Variants in DSC3 observed in about 807,000 individuals in gnomAD.
The protein encoded by DSC3 is desmocollin-3.
A neutral mutation model predicts 89.5 loss-of-function variants in DSC3; 97 were observed. That is an observed-to-expected ratio of 1.08 (90% CI 0.92 to 1.28). The LOEUF (loss-of-function observed/expected upper bound fraction) is 1.28. DSC3 is among the 50% of genes most tolerant of loss of function. The pLI, the probability that DSC3 is intolerant of heterozygous loss-of-function variation, is 0.00. For synonymous variants in DSC3, 436 were observed against 384.1 expected (o/e 1.14, Z -1.58); for missense variants, 1,199 against 1,085.3 (o/e 1.10, Z -1.47).
At position 31,019,336 on chromosome 18, in the gene DSC3, G is replaced by A. The variant is rs151282493; in HGVS notation, c.943-536C>T. Among the ~76,000 whole-genome samples, 491 of 152,150 alleles carry A rather than the reference G, an allele frequency of 3.2e-3. 4 individuals carry two copies. The highest frequency in any genetic ancestry group is 0.011 in the African/African-American group (471 of 41,494). ...AAACTCCCGATCTCGTGATTCACCC[G>A]CCTCGGGCTCCCAAAGTGCTAGGAT... On this transcript the variant is annotated intron_variant, in intron 7 of 15. Coordinates refer to ENST00000360428, the MANE Select transcript of DSC3 (RefSeq NM_001941.5).
chr18:31,008,251 T>C lies in DSC3; in HGVS notation c.1520+18A>G, dbSNP rs755491285. The C allele has an allele frequency of 5.6e-6, 9 of 1,613,394 alleles. No individual in the cohort carries two copies. The highest frequency in any genetic ancestry group is 7.6e-6 in the Non-Finnish European group (9 of 1,179,618). ...TTACAAATACATTATTAGTATGTGG[T>C]TATAGATTTATTTTTACCTTAAACC... On this transcript the variant is annotated intron_variant, in intron 10 of 15. Transcript: ENST00000360428.
intron 4 of DSC3, among the ~76,000 whole-genome samples, chr18:31,029,177 C>T (rs1458189008): frequency 2.0e-5 from 3 of 152,068 alleles, no homozygotes; most frequent in Admixed American, 1.3e-4. Flanking sequence ...GTCTCCTTCA[C>T]GAGGCCAATA....
intron 9 of DSC3, among the ~76,000 whole-genome samples, chr18:31,015,744 G>A (rs967787186): frequency 6.6e-6 from 1 of 152,172 alleles, no homozygotes; most frequent in African/African-American, 2.4e-5. Flanking sequence ...TTGGGTCTCT[G>A]ACAGAAGCTA....
intron 4 of DSC3, among the ~76,000 whole-genome samples, chr18:31,027,279 A>G (rs570985765): frequency 6.6e-6 from 1 of 152,132 alleles, no homozygotes; most frequent in Non-Finnish European, 1.5e-5. Flanking sequence ...TTAAACATGG[A>G]CGGTCAGACG....
rs1984316272 is a variant in DSC3, at chr18:30,992,826, T to C, written c.*1349A>G. 1 of 152,226 alleles carries C rather than the reference T, an allele frequency of 6.6e-6. No individual in the cohort carries two copies. Among genetic ancestry groups the C allele is most frequent in the Admixed American group, 6.5e-5 (1 of 15,284 alleles). 9.4% of individuals were successfully genotyped at this position (152,226 alleles called of 1,614,324 possible). A position where few individuals can be genotyped will look rare whatever the true frequency, so the allele number is the denominator to read the frequency against. ...AGGATGGTGGAAAACCTGGAGTCACTTAAGGGAATCTCTGCTGGAGGTGTT... is the reference window on the plus strand; with the variant it reads ...AGGATGGTGGAAAACCTGGAGTCACCTAAGGGAATCTCTGCTGGAGGTGTT... On this transcript the variant is annotated 3_prime_UTR_variant, in exon 16 of 16. Coordinates refer to ENST00000360428, the MANE Select transcript of DSC3 (RefSeq NM_001941.5).
chr18:31,041,749 T>C (rs993076242), intron 1 of DSC3, among the ~76,000 whole-genome samples: 1 of 152,150 alleles, frequency 6.6e-6, no homozygotes, highest in East Asian at 1.9e-4. Flanking sequence ...CTTCCTCTCC[T>C]AGAGGATTTC....
intron 1 of DSC3, among the ~76,000 whole-genome samples, chr18:31,034,737 C>T (rs1985916237): frequency 6.6e-6 from 1 of 151,902 alleles, no homozygotes; most frequent in South Asian, 2.1e-4. Flanking sequence ...CAAAACAACA[C>T]ATACTGTACG....
intron 15 of DSC3, 45 bp downstream of exon 15, chr18:30,996,746 T>C (rs1428222161): frequency 1.2e-6 from 2 of 1,609,450 alleles, no homozygotes; most frequent in African/African-American, 1.3e-5. Flanking sequence ...TTTTTCTCCA[T>C]TCGGAGGTTT....
At chr18:30,995,995 A>AAAAAAAAG (rs1984446431) in intron 15 of DSC3, among the ~76,000 whole-genome samples, 4 of 147,964 alleles carry the variant, frequency 2.7e-5, no homozygotes, top group Admixed American at 2.0e-4. Flanking sequence ...AAAAAAAAAA[A>AAAAAAAAG]AAAAGAAAAG....
chr18:30,992,172 AAAAG>A lies in DSC3; in HGVS notation c.*1999_*2002del, dbSNP rs1984280438. 1.7e-5 allele frequency: 1 copy of A among 60,352 alleles called. No individual in the cohort carries two copies. The highest frequency in any genetic ancestry group is 3.1e-5 in the Non-Finnish European group (1 of 32,036). The allele number at this position is 60,352 out of a possible 1,614,324, so 3.7% of individuals were successfully genotyped here. The stretch of plus-strand genomic sequence containing the variant: ...CAGAGCGAGACTCCGTCTCAAAAAA[AAAAG>A]GGGGGGGGGGGGGCAATAAAAAGTC... On this transcript the variant is annotated 3_prime_UTR_variant, in exon 16 of 16. Transcript: ENST00000360428.
rs1315277076 is a variant in DSC3, at chr18:30,996,809, AGT to A, written c.2473_2474del (p.Thr825SerfsTer6). 5.0e-6 allele frequency: 8 copies of A among 1,613,474 alleles called. No individual in the cohort carries two copies. The highest frequency in any genetic ancestry group is 5.9e-6 in the Non-Finnish European group (7 of 1,179,968). On this transcript the variant is annotated frameshift_variant, in exon 15 of 16. Transcript: ENST00000360428. LOFTEE classifies it high-confidence loss of function. The part of the protein sequence containing the change: ...RYTYSEWHSF[T>X]QPRLGEKLHR... ...AACTCACTTCACCGAGACGGGGTTG[AGT>A]AAAACTGTGCCACTCCGAGTAAGTG...
chr18:31,011,797 A>G lies in DSC3; in HGVS notation c.1264-3272T>C, dbSNP rs573046916. ...TGCCTGAGCTCAGGAGTTCGAGACC[A>G]GCCTGGGCAACACGGTGAAACCCCA... On this transcript the variant is annotated intron_variant, in intron 9 of 15. Coordinates refer to ENST00000360428, the MANE Select transcript of DSC3 (RefSeq NM_001941.5). Among the ~76,000 whole-genome samples the G allele has an allele frequency of 3.7e-3, 559 of 152,166 alleles. 5 individuals carry two copies. Among genetic ancestry groups the G allele is most frequent in the Non-Finnish European group, 5.8e-3 (394 of 67,994 alleles).
In DSC3 at chr18:30,994,315, T is replaced by G; in HGVS notation, c.2551A>C (p.Thr851Pro). 6.2e-7 allele frequency: 1 copy of G among 1,614,126 alleles called. No individual in the cohort carries two copies. Among genetic ancestry groups the G allele is most frequent in the African/African-American group, 1.3e-5 (1 of 75,038 alleles). ...GATCCTCTTCCCTCATAGTTATAAG[T>G]GAGGACATAATCTTGGGATGGCATG... The part of the protein sequence containing the change: ...DRMPSQDYVL[T>P]YNYEGRGSPA... The change falls in exon 16 of 16, where the codon ACT becomes CCT. Residue 851 changes from threonine to proline, a missense_variant. By Grantham distance (38) the Thr-to-Pro change is conservative (BLOSUM62 -1). Transcript: ENST00000360428.
chr18:31,032,947 TA>T (rs1985850339), intron 1 of DSC3, among the ~76,000 whole-genome samples: 1 of 152,030 alleles, frequency 6.6e-6, no homozygotes, highest in Admixed American at 6.6e-5. Flanking sequence ...AGGAATCCAC[TA>T]AAAAACTGTC....
chr18:30,997,074 A>C, intron 14 of DSC3, 26 bp from the exon 15 acceptor site: 1 of 1,613,874 alleles, frequency 6.2e-7, no homozygotes, highest in Non-Finnish European at 8.5e-7. Flanking sequence ...GAAATAATTC[A>C]TGTTGAGAGG....
rs888688411 is a variant in DSC3 at position 30,992,040 on chromosome 18, C to T, written c.*2135G>A. ...ATTAGCCGGGCGTGGTGGTGGGCGC[C>T]TGTAGTCCCAGCTACTCAGGAGGCT... On this transcript the variant is annotated 3_prime_UTR_variant, in exon 16 of 16. Transcript: ENST00000360428. 7 of 151,812 alleles carry T rather than the reference C, an allele frequency of 4.6e-5. No individual in the cohort carries two copies. The highest frequency in any genetic ancestry group is 1.5e-4 in the African/African-American group (6 of 41,284). 9.4% of individuals were successfully genotyped at this position (151,812 alleles called of 1,614,324 possible). A position where few individuals can be genotyped will look rare whatever the true frequency, so the allele number is the denominator to read the frequency against.
intron 9 of DSC3, among the ~76,000 whole-genome samples, chr18:31,014,119 G>T (rs1728343945): frequency 1.3e-5 from 2 of 151,970 alleles, no homozygotes; most frequent in African/African-American, 4.8e-5. Flanking sequence ...TCAGGGAAAA[G>T]TTGTTGAATG....
rs1342761552 is a variant in DSC3 at position 30,997,130 on chromosome 18, T to G, written c.2236-82A>C. ...TGAGAAGGCAAAGGAGAGAGAATAT[T>G]TGTTCAACCTTTTATTCATTCATTC... On this transcript the variant is annotated intron_variant, in intron 14 of 15. Coordinates refer to ENST00000360428, the MANE Select transcript of DSC3 (RefSeq NM_001941.5). 2.6e-6 allele frequency: 4 copies of G among 1,515,022 alleles called. No individual in the cohort carries two copies. The African/African-American group carries it at 4.1e-5, about 16-fold the overall frequency. The allele number at this position is 1,515,022 out of a possible 1,614,324, so 93.8% of individuals were successfully genotyped here. A position where few individuals can be genotyped will look rare whatever the true frequency, so the allele number is the denominator to read the frequency against.
At chr18:31,022,276 A>T in intron 7 of DSC3, 60 bp downstream of exon 7, 1 of 1,596,552 alleles carries the variant, frequency 6.3e-7, no homozygotes, top group Non-Finnish European at 8.6e-7. Flanking sequence ...AAGTTATAAT[A>T]AATGGGGGAG....
Sources: allele counts gnomAD v4.1 joint callset (sites outside exome capture counted in the v4.1 genomes callset), GRCh38; gene constraint gnomAD v4.1.1; transcripts MANE v1.5; gene names NCBI Gene and HGNC (gene_info 2026-07-23, HGNC 2026-07-21).